Variants in TMTC1 observed in about 807,000 individuals in gnomAD.
The protein encoded by TMTC1 is transmembrane O-mannosyltransferase targeting cadherins 1.
A neutral mutation model predicts 104.8 loss-of-function variants in TMTC1; 73 were observed. That is an observed-to-expected ratio of 0.70 (90% CI 0.58 to 0.85). The LOEUF is 0.85. Among genes scored for constraint, TMTC1 ranks in the 40% least tolerant of loss-of-function variants. The probability of loss-of-function intolerance (pLI) is 0.00; values close to 1 mark genes in which losing one functional copy is unlikely to be tolerated. For missense variants in TMTC1, 1,035 were observed against 1,096.1 expected, an observed-to-expected ratio of 0.94 and a Z score of 0.79; for synonymous variants, 434 against 428.7, an observed-to-expected ratio of 1.01 and a Z score of -0.15.
intron 5 of TMTC1, among the ~76,000 whole-genome samples, chr12:29,651,231 T>C (rs992993121): frequency 6.6e-6 from 1 of 152,218 alleles, no homozygotes; most frequent in Admixed American, 6.5e-5. Flanking sequence ...ACTGTGGCTG[T>C]ATATTTTAAA....
chr12:29,623,263 A>G (rs1937774487), intron 6 of TMTC1, among the ~76,000 whole-genome samples: 1 of 152,198 alleles, frequency 6.6e-6, no homozygotes, highest in South Asian at 2.1e-4. Context: ...CAGATGACAC[A>G]CCTACTGTTT....
At chr12:29,719,554 T>C (rs867674878) in intron 5 of TMTC1, among the ~76,000 whole-genome samples, 7 of 152,186 alleles carry the variant, frequency 4.6e-5, no homozygotes, top group South Asian at 2.1e-4. Context: ...GAAATTTCCT[T>C]ATGGTGACCT....
At chr12:29,677,253 G>T (rs1276077309) in intron 5 of TMTC1, among the ~76,000 whole-genome samples, 1 of 152,090 alleles carries the variant, frequency 6.6e-6, no homozygotes, top group African/African-American at 2.4e-5. Flanking sequence ...CCCTTTATCT[G>T]CATGTCTGTT....
chr12:29,754,566 C>T (rs1257834980), intron 4 of TMTC1, among the ~76,000 whole-genome samples: 2 of 152,092 alleles, frequency 1.3e-5, no homozygotes, highest in Non-Finnish European at 2.9e-5. Context: ...ACAGGTTGTT[C>T]CCTAAAAAGT....
At chr12:29,650,578 G>A (rs1939470550) in intron 5 of TMTC1, among the ~76,000 whole-genome samples, 2 of 152,160 alleles carry the variant, frequency 1.3e-5, no homozygotes, top group African/African-American at 4.8e-5. Flanking sequence ...CCAGATCATG[G>A]TGAAATGTTA....
intron 5 of TMTC1, among the ~76,000 whole-genome samples, chr12:29,720,336 G>C (rs1942203605): frequency 6.6e-6 from 1 of 152,146 alleles, no homozygotes; most frequent in South Asian, 2.1e-4. Context: ...GTTTCGGTGA[G>C]TTTCTCCCAA....
At chr12:29,766,690 C>T (rs1192534271) in intron 2 of TMTC1, among the ~76,000 whole-genome samples, 1 of 152,114 alleles carries the variant, frequency 6.6e-6, no homozygotes, top group African/African-American at 2.4e-5. Context: ...AAGGAAACCA[C>T]CATGACATCT....
chr12:29,749,632 TCA>T (rs1385597404), intron 5 of TMTC1, among the ~76,000 whole-genome samples: 1 of 152,194 alleles, frequency 6.6e-6, no homozygotes, highest in Non-Finnish European at 1.5e-5. Context: ...CCAGATTTTC[TCA>T]GTGTTTTAAC....
chr12:29,730,579 C>T (rs1942520317), intron 5 of TMTC1, among the ~76,000 whole-genome samples: 1 of 152,160 alleles, frequency 6.6e-6, no homozygotes, highest in African/African-American at 2.4e-5. Context: ...CATTTAGAAC[C>T]ATCCCTGAGA....
intron 1 of TMTC1, among the ~76,000 whole-genome samples, chr12:29,771,333 G>A (rs1565826347): frequency 6.6e-6 from 1 of 152,078 alleles, no homozygotes; most frequent in Non-Finnish European, 1.5e-5. Context: ...CAAAATACTT[G>A]CAATCTAGAT....
intron 5 of TMTC1, chr12:29,640,514 C>G (rs774249449): frequency 2.6e-5 from 4 of 152,234 alleles, no homozygotes; most frequent in Admixed American, 1.3e-4. Flanking sequence ...TCCCCCACAA[C>G]TGGAGAAGCT....
At chr12:29,723,660 T>A (rs1412928569) in intron 5 of TMTC1, among the ~76,000 whole-genome samples, 1 of 151,760 alleles carries the variant, frequency 6.6e-6, no homozygotes, top group Non-Finnish European at 1.5e-5. Flanking sequence ...TACAGTGAGC[T>A]AAGATGGAGC....
chr12:29,567,415 A>G (rs920058114), intron 9 of TMTC1, among the ~76,000 whole-genome samples: 1 of 152,232 alleles, frequency 6.6e-6, no homozygotes, highest in African/African-American at 2.4e-5. Flanking sequence ...TCTAAATGAA[A>G]TAATGTTTAA....
chr12:29,709,871 G>T (rs569455581), intron 5 of TMTC1, among the ~76,000 whole-genome samples: 5 of 152,166 alleles, frequency 3.3e-5, no homozygotes, highest in African/African-American at 1.2e-4. Flanking sequence ...GGTTGCTATA[G>T]GAGTTTAACT....
chr12:29,768,013 T>G lies in TMTC1; in HGVS notation c.365A>C (p.His122Pro), dbSNP rs1943511368. The change falls in exon 2 of 18, where the codon CAC (histidine) becomes CCC (proline). Residue 122 changes from histidine (H) to proline (P), a missense_variant. Coordinates refer to ENST00000539277, the MANE Select transcript of TMTC1 (RefSeq NM_001193451.2). Reference protein sequence around the residue: ...FYFHAVNIILHCLVTLVLMYT... With the variant: ...FYFHAVNIILPCLVTLVLMYT... ...CATCAGCACAAGAGTCACTAAGCAGTGTAAAATTATATTTACTGCATGAAA... is the reference window on the plus strand; with the variant it reads ...CATCAGCACAAGAGTCACTAAGCAGGGTAAAATTATATTTACTGCATGAAA... The G allele has an allele frequency of 6.8e-6, 11 of 1,613,618 alleles. No homozygotes were observed. The highest frequency in any genetic ancestry group is 9.3e-6 in the Non-Finnish European group (11 of 1,179,814).
intron 11 of TMTC1, among the ~76,000 whole-genome samples, chr12:29,521,561 T>C (rs1462149529): frequency 9.3e-6 from 1 of 107,266 alleles, no homozygotes; most frequent in Non-Finnish European, 1.9e-5. Context: ...TCTTTTTCTT[T>C]CTTTCTTTTT....
Position 29,633,310 on chromosome 12 carries a change from G to T in TMTC1, c.965C>A (p.Ala322Asp). Residue 322 changes from alanine to aspartate, a missense_variant, in exon 6 of 18, where the codon GCC (alanine) becomes GAC (aspartate). Transcript: ENST00000539277. ...MRFLTYSYLL[A>D]FNVWLLLAPV... ...TGCAAGCAGAAGCCACACATTGAAG[G>T]CCAAGAGGTAGGAATAGGTGAGGAA... 1 of 1,613,070 alleles carries T rather than the reference G, an allele frequency of 6.2e-7. No homozygotes were observed. Among genetic ancestry groups the T allele is most frequent in the Non-Finnish European group, 8.5e-7 (1 of 1,179,386 alleles).
At chr12:29,546,949 C>A (rs557275095) in intron 10 of TMTC1, among the ~76,000 whole-genome samples, 3 of 151,992 alleles carry the variant, frequency 2.0e-5, no homozygotes, top group African/African-American at 7.3e-5. Flanking sequence ...AAAATTATTC[C>A]TTTTTCACCT....
intron 14 of TMTC1, 68 bp from the exon 15 acceptor site, chr12:29,516,554 T>A: frequency 6.6e-7 from 1 of 1,518,002 alleles, no homozygotes; most frequent in Non-Finnish European, 8.9e-7. Flanking sequence ...CATCCCTGAA[T>A]AGAAGCATTC....
Sources: gnomAD v4.1 joint callset for allele counts (sites outside exome capture counted in the v4.1 genomes callset) on GRCh38, gnomAD v4.1.1 for gene constraint, MANE v1.5 for transcripts, NCBI Gene and HGNC (gene_info 2026-07-23, HGNC 2026-07-21) for gene names.